ANXA3: variants seen among roughly 807,000 people sequenced by gnomAD.
ANXA3 encodes 35-alpha calcimedin.
A neutral mutation model predicts 48.8 loss-of-function variants in ANXA3; 46 were observed. The observed-to-expected ratio is 0.94, with a 90% CI of 0.74 to 1.21. ANXA3 has a LOEUF of 1.21. Ranked by LOEUF, ANXA3 falls within the 50% of genes most tolerant of loss-of-function variation. The pLI, the probability that ANXA3 is intolerant of heterozygous loss-of-function variation, is 0.00. For synonymous variants in ANXA3, 128 were observed against 134.7 expected (o/e 0.95, Z 0.35); for missense variants, 383 against 378.6 (o/e 1.01, Z -0.10).
At chr4:78,572,472 CT>C (rs779208024) in intron 2 of ANXA3, among the ~76,000 whole-genome samples, 72 of 152,176 alleles carry the variant, frequency 4.7e-4, no homozygotes, top group Non-Finnish European at 9.0e-4. Context: ...ATCAATTTCC[CT>C]GAAGGCTCAA....
At chr4:78,562,368 TC>T (rs1380433473) in intron 2 of ANXA3, among the ~76,000 whole-genome samples, 3 of 152,236 alleles carry the variant, frequency 2.0e-5, no homozygotes, top group Non-Finnish European at 2.9e-5. Context: ...CATTTGTAAC[TC>T]TTTGTGTTTG....
At chr4:78,570,609 CT>C (rs1292799868) in intron 2 of ANXA3, among the ~76,000 whole-genome samples, 1 of 152,184 alleles carries the variant, frequency 6.6e-6, no homozygotes, top group Non-Finnish European at 1.5e-5. Flanking sequence ...CAGGAATGGT[CT>C]GGAATAGTCT....
At chr4:78,554,071 TTTG>T (rs1412570882) in intron 1 of ANXA3, 1 of 166,748 alleles carries the variant, frequency 6.0e-6, no homozygotes, top group African/African-American at 2.4e-5. Context: ...ATCCTGTGTT[TTTG>T]TTGTTATTGA....
intron 10 of ANXA3, among the ~76,000 whole-genome samples, chr4:78,599,588 A>G (rs1723495192): frequency 6.6e-6 from 1 of 152,146 alleles, no homozygotes; most frequent in South Asian, 2.1e-4. Context: ...GCTCATGCAC[A>G]TAATCCCATC....
intron 3 of ANXA3, among the ~76,000 whole-genome samples, chr4:78,574,145 A>G (rs1722899978): frequency 6.6e-6 from 1 of 152,198 alleles, no homozygotes; most frequent in Non-Finnish European, 1.5e-5. Context: ...TTGGTTGGGC[A>G]TGGTGGCTCC....
chr4:78,599,931 G>A (rs1434275306), intron 10 of ANXA3, among the ~76,000 whole-genome samples: 1 of 151,878 alleles, frequency 6.6e-6, no homozygotes, highest in Non-Finnish European at 1.5e-5. Context: ...ATCTCTAAAA[G>A]ATGGGGAAAA....
chr4:78,552,926 AG>A (rs1426507521), intron 1 of ANXA3, among the ~76,000 whole-genome samples: 1 of 152,258 alleles, frequency 6.6e-6, no homozygotes, highest in Middle Eastern at 3.2e-3. Flanking sequence ...ATAACCGTAG[AG>A]GAGGAAGTAA....
At chr4:78,558,175 G>A (rs1165843608) in intron 2 of ANXA3, among the ~76,000 whole-genome samples, 3 of 152,322 alleles carry the variant, frequency 2.0e-5, no homozygotes, top group Non-Finnish European at 2.9e-5. Context: ...TTGATAAGAG[G>A]TATCCAAAGC....
At chr4:78,555,600 A>G (rs1475285209) in intron 2 of ANXA3, among the ~76,000 whole-genome samples, 2 of 151,890 alleles carry the variant, frequency 1.3e-5, no homozygotes, top group Non-Finnish European at 2.9e-5. Context: ...GCATTTTGGG[A>G]GGCCAAGATG....
At chr4:78,599,344 T>C (rs1183063779) in intron 10 of ANXA3, among the ~76,000 whole-genome samples, 1 of 152,242 alleles carries the variant, frequency 6.6e-6, no homozygotes, top group Non-Finnish European at 1.5e-5. Flanking sequence ...TCTATAGATT[T>C]GCCTACTCTG....
At chr4:78,569,932 C>T (rs1418227479) in intron 2 of ANXA3, among the ~76,000 whole-genome samples, 4 of 152,330 alleles carry the variant, frequency 2.6e-5, no homozygotes, top group South Asian at 4.1e-4. Context: ...AAATTCACCT[C>T]ATGAAGGCTC....
At chr4:78,568,730 T>G (rs1722781094) in intron 2 of ANXA3, among the ~76,000 whole-genome samples, 1 of 152,220 alleles carries the variant, frequency 6.6e-6, no homozygotes, top group East Asian at 1.9e-4. Flanking sequence ...GACTGGCCTC[T>G]CCCAGGGGCA....
At chr4:78,592,592 A>G (rs1723322525) in intron 7 of ANXA3, among the ~76,000 whole-genome samples, 1 of 152,196 alleles carries the variant, frequency 6.6e-6, no homozygotes, top group Admixed American at 6.5e-5. Flanking sequence ...AGTATAGAGT[A>G]GGGCTCTAGG....
intron 10 of ANXA3, among the ~76,000 whole-genome samples, chr4:78,598,287 T>A (rs2109947299): frequency 6.8e-6 from 1 of 147,516 alleles, no homozygotes; most frequent in South Asian, 2.1e-4. Context: ...TTCTTTTCTT[T>A]CTTTCTTTTT....
chr4:78,584,850 A>C (rs1246806794), intron 5 of ANXA3, among the ~76,000 whole-genome samples: 3 of 152,242 alleles, frequency 2.0e-5, no homozygotes, highest in Admixed American at 1.3e-4. Context: ...TTCAGACTGC[A>C]GTGGTGGCCT....
intron 11 of ANXA3, chr4:78,603,180 A>C (rs1179883567): frequency 6.6e-6 from 1 of 152,220 alleles, no homozygotes; most frequent in Non-Finnish European, 1.5e-5. Flanking sequence ...ATCTACTAGA[A>C]CATAAGCTCC....
intron 5 of ANXA3, among the ~76,000 whole-genome samples, chr4:78,585,547 CAT>C (rs1358128926): frequency 1.3e-5 from 2 of 152,344 alleles, no homozygotes; most frequent in African/African-American, 2.4e-5. Flanking sequence ...AGCTGAGAAA[CAT>C]AGCCTTTATA....
chr4:78,582,620 C>A (rs906219493), intron 5 of ANXA3, among the ~76,000 whole-genome samples: 4 of 152,136 alleles, frequency 2.6e-5, no homozygotes, highest in African/African-American at 7.2e-5. Context: ...TTTCTCTTAC[C>A]CTTCCAAGCT....
Position 78,555,940 on chromosome 4 carries a change from G to A in ANXA3, c.15+1452G>A, listed in dbSNP as rs574975459. Among the ~76,000 whole-genome samples, 28 of 151,674 alleles carry A rather than the reference G, an allele frequency of 1.8e-4. No individual in the cohort carries two copies. In the East Asian group the frequency reaches 4.4e-3, roughly 24 times the overall value. ...TTTTCTACTTAAGAGATTGGTGAAG[G>A]TTAAAAAAAAAAAGTAATGTAGAGG... On this transcript the variant is annotated intron_variant, in intron 2 of 12. Coordinates refer to ENST00000264908, the MANE Select transcript of ANXA3 (RefSeq NM_005139.3).
Sources: gnomAD v4.1 joint callset for allele counts (sites outside exome capture counted in the v4.1 genomes callset) on GRCh38, gnomAD v4.1.1 for gene constraint, MANE v1.5 for transcripts, NCBI Gene and HGNC (gene_info 2026-07-23, HGNC 2026-07-21) for gene names.